ANKRD31: variants seen among roughly 807,000 people sequenced by gnomAD.
ANKRD31 encodes ankyrin repeat domain-containing protein 31.
Under a neutral mutation model 186.0 loss-of-function variants are expected in ANKRD31, and 147 were observed. That is an observed-to-expected ratio of 0.79 (90% CI 0.69 to 0.91). The LOEUF (loss-of-function observed/expected upper bound fraction) is 0.91, where lower values mean the gene tolerates loss of function less well. ANKRD31 is among the 40% of genes least tolerant of loss of function. The probability of loss-of-function intolerance (pLI) is 0.00; values close to 1 mark genes in which losing one functional copy is unlikely to be tolerated. For missense variants in ANKRD31, 1,986 were observed against 2,148.8 expected (o/e 0.92, Z 1.50); for synonymous variants, 673 against 736.4 (o/e 0.91, Z 1.39).
chr5:75,108,831 C>T (rs1250334412), intron 20 of ANKRD31, among the ~76,000 whole-genome samples: 2 of 152,262 alleles, frequency 1.3e-5, no homozygotes, highest in South Asian at 2.1e-4. Context: ...AGATTTGACA[C>T]TGTTTATTAA....
intron 6 of ANKRD31, among the ~76,000 whole-genome samples, chr5:75,198,294 T>C (rs149079909): frequency 3.8e-3 from 577 of 152,244 alleles, no homozygotes; most frequent in African/African-American, 0.013. Context: ...ATAAAGCCTT[T>C]TTTTCCCTCA....
rs972678538 is a variant in ANKRD31, at chr5:75,188,455, C to T, written c.1564+38G>A. On this transcript the variant is annotated intron_variant, in intron 10 of 25. Transcript: ENST00000506364. ...GAGTGATTCAGCTGAAACTACAAAC[C>T]ACTCTTAAGGTAACTGTGGGTGGTA... 14 of 1,506,374 alleles carry T rather than the reference C, an allele frequency of 9.3e-6. No homozygotes were observed. In the African/African-American group the frequency reaches 1.5e-4, roughly 17 times the overall value. 93.3% of individuals were successfully genotyped at this position (1,506,374 alleles called of 1,614,324 possible). A position where few individuals can be genotyped will look rare whatever the true frequency, so the allele number is the denominator to read the frequency against.
chr5:75,223,247 C>G (rs569789298), intron 2 of ANKRD31, among the ~76,000 whole-genome samples: 3 of 152,066 alleles, frequency 2.0e-5, no homozygotes, highest in Admixed American at 6.5e-5. Flanking sequence ...TTCTTAACTG[C>G]CACTTTTATG....
chr5:75,152,045 T>C (rs1751876083), intron 12 of ANKRD31, among the ~76,000 whole-genome samples: 2 of 152,048 alleles, frequency 1.3e-5, no homozygotes, highest in Admixed American at 6.6e-5. Flanking sequence ...AGAGCATCTG[T>C]TGTTTTGCCT....
chr5:75,215,194 G>A (rs527526163), intron 3 of ANKRD31, among the ~76,000 whole-genome samples: 31 of 152,226 alleles, frequency 2.0e-4, no homozygotes, highest in Middle Eastern at 3.4e-3. Flanking sequence ...TCTCTCTTGC[G>A]GGGAGAGGCA....
At chr5:75,182,238 C>T (rs1436783475) in intron 10 of ANKRD31, among the ~76,000 whole-genome samples, 1 of 152,070 alleles carries the variant, frequency 6.6e-6, no homozygotes, top group Non-Finnish European at 1.5e-5. Flanking sequence ...TGAAAATTTG[C>T]TTACCAATAT....
chr5:75,107,460 G>T, intron 21 of ANKRD31, 61 bp downstream of exon 21: 4 of 1,185,188 alleles, frequency 3.4e-6, no homozygotes, highest in Non-Finnish European at 4.7e-6. Context: ...AACTATTGCA[G>T]CTAAAAATGG....
In ANKRD31 at chr5:75,080,647, T is replaced by C; in HGVS notation, c.5576-8A>G. On this transcript the variant is annotated splice_region_variant and splice_polypyrimidine_tract_variant and intron_variant, in intron 24 of 25. Coordinates refer to ENST00000506364, the MANE Select transcript of ANKRD31 (RefSeq NM_001372053.1). The stretch of plus-strand genomic sequence containing the variant: ...CATCTAAACAAGCAACTTCTGAAAG[T>C]GAAACAAAACGTTAGTAATAATTTT... 1.3e-6 allele frequency: 2 copies of C among 1,525,036 alleles called. No homozygotes were observed. The highest frequency in any genetic ancestry group is 1.8e-6 in the Non-Finnish European group (2 of 1,142,024). The allele number at this position is 1,525,036 out of a possible 1,614,324, so 94.5% of individuals were successfully genotyped here.
At chr5:75,218,887 T>C (rs763116371) in intron 3 of ANKRD31, among the ~76,000 whole-genome samples, 10 of 152,152 alleles carry the variant, frequency 6.6e-5, no homozygotes, top group African/African-American at 9.7e-5. Flanking sequence ...AAAAACCACA[T>C]GATTATCCCA....
chr5:75,069,617 C>T (rs1422371245), intron 25 of ANKRD31, among the ~76,000 whole-genome samples: 4 of 151,908 alleles, frequency 2.6e-5, no homozygotes, highest in East Asian at 3.9e-4. Context: ...ATGACCTTGG[C>T]TCAGTGCAAC....
chr5:75,201,117 G>A (rs968040301), intron 5 of ANKRD31, among the ~76,000 whole-genome samples: 3 of 151,922 alleles, frequency 2.0e-5, no homozygotes, highest in Admixed American at 1.3e-4. Context: ...GTTTTTCAGG[G>A]GGAAAAAGAA....
intron 11 of ANKRD31, among the ~76,000 whole-genome samples, chr5:75,165,302 T>A (rs1371191401): frequency 6.6e-6 from 1 of 152,198 alleles, no homozygotes; most frequent in Non-Finnish European, 1.5e-5. Context: ...TAATAGCATA[T>A]ACTTTAAGAA....
chr5:75,225,635 T>C (rs1415264994), intron 2 of ANKRD31: 1 of 200,124 alleles, frequency 5.0e-6, no homozygotes, highest in Non-Finnish European at 1.0e-5. Flanking sequence ...AAGATACAAG[T>C]GATGTGTTCC....
chr5:75,104,630 A>G lies in ANKRD31; in HGVS notation c.4929T>C (p.Asn1643=). 2.6e-6 allele frequency: 4 copies of G among 1,536,358 alleles called. No homozygotes were observed. The South Asian group carries it at 4.8e-5, about 18-fold the overall frequency. ...CAAGGACACTTGCAGTTTCTGAAATATTTAATTTGCCGATTACTGGGGAAG... is the reference window on the plus strand; with the variant it reads ...CAAGGACACTTGCAGTTTCTGAAATGTTTAATTTGCCGATTACTGGGGAAG... ...YVSSPVIGKL[N]ISETASVLAE... The change falls in exon 22 of 26, where the codon AAT becomes AAC. Residue 1643 remains asparagine (N), a synonymous_variant. Transcript: ENST00000506364.
At chr5:75,095,782 AT>A in intron 22 of ANKRD31, among the ~76,000 whole-genome samples, 1 of 152,338 alleles carries the variant, frequency 6.6e-6, no homozygotes, top group Non-Finnish European at 1.5e-5. Context: ...TGCCTAATTT[AT>A]AAATTAAACT....
intron 10 of ANKRD31, among the ~76,000 whole-genome samples, chr5:75,173,053 T>A (rs766491330): frequency 6.6e-5 from 10 of 152,206 alleles, no homozygotes; most frequent in Non-Finnish European, 1.0e-4. Flanking sequence ...TCAAGTGTGC[T>A]TCATCACTGG....
intron 22 of ANKRD31, among the ~76,000 whole-genome samples, chr5:75,101,721 C>T (rs572019160): frequency 5.9e-5 from 9 of 152,244 alleles, no homozygotes; most frequent in East Asian, 3.9e-4. Context: ...ATCAAATGGG[C>T]TACTGAAGCT....
intron 17 of ANKRD31, among the ~76,000 whole-genome samples, chr5:75,132,275 G>C (rs1749923796): frequency 6.6e-6 from 1 of 152,118 alleles, no homozygotes; most frequent in African/African-American, 2.4e-5. Flanking sequence ...CTTGAAAGAA[G>C]ATTAGACGAA....
intron 22 of ANKRD31, among the ~76,000 whole-genome samples, chr5:75,097,578 T>C (rs1746434749): frequency 6.6e-6 from 1 of 152,216 alleles, no homozygotes; most frequent in African/African-American, 2.4e-5. Context: ...GATGGGTAGA[T>C]TGTAAAAATG....
Sources: allele counts gnomAD v4.1 joint callset (sites outside exome capture counted in the v4.1 genomes callset), GRCh38; gene constraint gnomAD v4.1.1; transcripts MANE v1.5; gene names NCBI Gene and HGNC (gene_info 2026-07-23, HGNC 2026-07-21).